Variants in GPATCH8 observed in about 807,000 individuals in gnomAD.
GPATCH8 encodes the protein G-patch domain containing 8, also known as G patch domain-containing protein 8.
A neutral mutation model predicts 118.3 loss-of-function variants in GPATCH8; 18 were observed. The observed-to-expected ratio is 0.15, with a 90% CI of 0.11 to 0.23. The LOEUF (loss-of-function observed/expected upper bound fraction) is 0.23. GPATCH8 is among the 10% of genes least tolerant of loss of function. The probability of loss-of-function intolerance (pLI) is 1.00; values close to 1 mark genes in which losing one functional copy is unlikely to be tolerated. For missense variants in GPATCH8, 1,631 were observed against 1,873.8 expected (o/e 0.87, Z 2.39); for synonymous variants, 659 against 684.7 (o/e 0.96, Z 0.59).
chr17:44,446,050 C>T (rs2050866923), intron 3 of GPATCH8: 1 of 152,138 alleles, frequency 6.6e-6, no homozygotes, highest in South Asian at 2.1e-4. Context: ...AGTGATCCTC[C>T]CACCTCAGCC....
chr17:44,414,520 G>C (rs1488370090), intron 6 of GPATCH8, among the ~76,000 whole-genome samples: 3 of 152,146 alleles, frequency 2.0e-5, no homozygotes, highest in African/African-American at 7.2e-5. Flanking sequence ...TGTTGCCCAG[G>C]ATAGTCTCAA....
At chr17:44,421,326 A>G (rs2049893232) in intron 6 of GPATCH8, among the ~76,000 whole-genome samples, 1 of 151,540 alleles carries the variant, frequency 6.6e-6, no homozygotes, top group South Asian at 2.1e-4. Flanking sequence ...GGGCAACAAG[A>G]GTGAAACTCC....
At chr17:44,410,397 C>T (rs2049387573) in intron 6 of GPATCH8, among the ~76,000 whole-genome samples, 1 of 152,206 alleles carries the variant, frequency 6.6e-6, no homozygotes, top group Non-Finnish European at 1.5e-5. Flanking sequence ...TTGTCAAAGT[C>T]TGAGCAAATT....
At chr17:44,411,540 A>C (rs1423373176) in intron 6 of GPATCH8, among the ~76,000 whole-genome samples, 1 of 152,194 alleles carries the variant, frequency 6.6e-6, no homozygotes, top group African/African-American at 2.4e-5. Flanking sequence ...TCTCATGTAA[A>C]GGGGATTTCA....
rs754146822 is a variant in GPATCH8 at position 44,398,685 on chromosome 17, A to C, written c.3392T>G (p.Phe1131Cys). 9.5e-6 allele frequency: 15 copies of C among 1,581,468 alleles called. No individual in the cohort carries two copies. The highest frequency in any genetic ancestry group is 1.2e-5 in the Non-Finnish European group (14 of 1,162,698). The change falls in exon 8 of 8, where the codon TTT (phenylalanine) becomes TGT (cysteine). Residue 1131 changes from phenylalanine to cysteine, a missense_variant. This residue lies in a region of GPATCH8 where 922 missense variants were observed against 879.7 expected (regional missense o/e 1.05). Coordinates refer to ENST00000591680, the MANE Select transcript of GPATCH8 (RefSeq NM_001002909.4). ...PKLKDPPQGY[F>C]GPKLPPSLGN... ...AAGAGATGGGGGGAGCTTGGGCCCAAAGTAACCTTGTGGGGGGTCCTTGAG... is the reference window on the plus strand; with the variant it reads ...AAGAGATGGGGGGAGCTTGGGCCCACAGTAACCTTGTGGGGGGTCCTTGAG...
At position 44,482,592 on chromosome 17, in the gene GPATCH8, A is replaced by C. The variant is rs1259474848; in HGVS notation, c.46-7689T>G. On this transcript the variant is annotated intron_variant, in intron 1 of 7. Coordinates refer to ENST00000591680, the MANE Select transcript of GPATCH8 (RefSeq NM_001002909.4). ...CCATCTCAAAAAAAAAAAAAAAAAA[A>C]CCAAACCAAACCTAGATGACGGGTT... 2.2e-5 allele frequency among the ~76,000 whole-genome samples: 3 copies of C among 138,640 alleles called. No homozygotes were observed. The Admixed American group carries it at 2.2e-4, about 10-fold the overall frequency. The allele number at this position is 138,640 out of a possible 152,430, so 91.0% of individuals were successfully genotyped here.
chr17:44,409,866 C>T (rs2049368439), intron 6 of GPATCH8, among the ~76,000 whole-genome samples: 1 of 152,324 alleles, frequency 6.6e-6, no homozygotes, highest in South Asian at 2.1e-4. Flanking sequence ...ACTAAGTCTA[C>T]GGAGGGCATC....
Position 44,468,019 on chromosome 17 carries a change from T to G in GPATCH8, c.121-3475A>C, listed in dbSNP as rs978211799. Among the ~76,000 whole-genome samples the G allele has an allele frequency of 2.6e-5, 4 of 151,668 alleles. No individual in the cohort carries two copies. The East Asian group carries it at 7.7e-4, about 29-fold the overall frequency. On this transcript the variant is annotated intron_variant, in intron 2 of 7. Coordinates refer to ENST00000591680, the MANE Select transcript of GPATCH8 (RefSeq NM_001002909.4). The stretch of plus-strand genomic sequence containing the variant: ...TATTCCAGGATTTTTTTTTTTTTTT[T>G]GAGACGGAGTCTCACTCTGTAGCTC...
In GPATCH8 at chr17:44,401,045, C is replaced by G. The variant is rs1280107973; in HGVS notation, c.1032G>C (p.Gln344His). The change falls in exon 8 of 8, where the codon CAG (glutamine) becomes CAC (histidine). Residue 344 changes from glutamine to histidine, a missense_variant. Physicochemically the swap from Gln to His is conservative, Grantham distance 24. Around this residue, in one of 8 missense-constraint regions of GPATCH8, gnomAD observed 405 missense variants for 462.7 expected, o/e 0.88. Coordinates refer to ENST00000591680, the MANE Select transcript of GPATCH8 (RefSeq NM_001002909.4). ...TGCTCCCATCAGAGTCTCCTACCTT[C>G]TGCAGTCCTTGGTCAGAACTCTTCT... Reference protein sequence around the residue: ...PDEKSSDQGLQKVGDSDGSSN... With the variant: ...PDEKSSDQGLHKVGDSDGSSN... 1 of 1,614,086 alleles carries G rather than the reference C, an allele frequency of 6.2e-7. No individual in the cohort carries two copies. The highest frequency in any genetic ancestry group is 8.5e-7 in the Non-Finnish European group (1 of 1,180,028).
intron 6 of GPATCH8, among the ~76,000 whole-genome samples, chr17:44,412,230 T>G (rs900612216): frequency 6.6e-6 from 1 of 151,914 alleles, no homozygotes; most frequent in Non-Finnish European, 1.5e-5. Context: ...GCCAAAAAAA[T>G]TTTTTTAAAT....
At chr17:44,416,087 C>T (rs1457785741) in intron 6 of GPATCH8, among the ~76,000 whole-genome samples, 1 of 152,222 alleles carries the variant, frequency 6.6e-6, no homozygotes, top group African/African-American at 2.4e-5. Context: ...ACTGCAACCT[C>T]TGTCTTCTGG....
At chr17:44,497,913 T>C (rs1598649697) in intron 1 of GPATCH8, among the ~76,000 whole-genome samples, 1 of 150,772 alleles carries the variant, frequency 6.6e-6, no homozygotes, top group African/African-American at 2.4e-5. Context: ...TACTCTAGCC[T>C]GGACAAAAGA....
At chr17:44,405,309 A>G (rs1390330375) in intron 7 of GPATCH8, among the ~76,000 whole-genome samples, 2 of 151,328 alleles carry the variant, frequency 1.3e-5, no homozygotes, top group Admixed American at 1.3e-4. Flanking sequence ...CCCAGGTTCA[A>G]GCGATTCTCC....
chr17:44,436,428 A>T, intron 4 of GPATCH8, 50 bp downstream of exon 4: 1 of 825,870 alleles, frequency 1.2e-6, no homozygotes. Context: ...TGGAATTAGT[A>T]TTATTTCAAA....
intron 6 of GPATCH8, among the ~76,000 whole-genome samples, chr17:44,420,559 C>T (rs1255231162): frequency 2.0e-5 from 3 of 152,046 alleles, no homozygotes; most frequent in Admixed American, 6.6e-5. Flanking sequence ...GAGGCATTGC[C>T]AAGTGCCTCC....
intron 1 of GPATCH8, among the ~76,000 whole-genome samples, chr17:44,500,952 C>G (rs552326530): frequency 4.6e-5 from 7 of 152,216 alleles, no homozygotes; most frequent in Admixed American, 3.3e-4. Flanking sequence ...GAAAGTCAAT[C>G]TGTATTTTCC....
At chr17:44,415,813 G>A (rs16970720) in intron 6 of GPATCH8, among the ~76,000 whole-genome samples, 3,027 of 152,330 alleles carry the variant, frequency 0.02, 106 homozygotes, top group African/African-American at 0.069. Context: ...GGTTGAAACT[G>A]TAGAACAAAA....
Position 44,395,929 on chromosome 17 carries a change from A to T in GPATCH8, c.*1639T>A. On this transcript the variant is annotated 3_prime_UTR_variant, in exon 8 of 8. Coordinates refer to ENST00000591680, the MANE Select transcript of GPATCH8 (RefSeq NM_001002909.4). ...CTGAGAGCCTGGGTGAAAGGCAAGA[A>T]GAGGGGCAAAAGAGGCTGAGGTGGT... The T allele has an allele frequency of 2.2e-6, 1 of 454,316 alleles. No homozygotes were observed. The highest frequency in any genetic ancestry group is 4.4e-6 in the Non-Finnish European group (1 of 226,730). The allele number at this position is 454,316 out of a possible 1,614,324, so 28.1% of individuals were successfully genotyped here.
intron 3 of GPATCH8, among the ~76,000 whole-genome samples, chr17:44,462,853 C>A (rs1035764884): frequency 6.6e-6 from 1 of 151,996 alleles, no homozygotes; most frequent in Non-Finnish European, 1.5e-5. Flanking sequence ...TGGTGGCAGG[C>A]GCCTGTAGTC....
Sources: allele counts gnomAD v4.1 joint callset (sites outside exome capture counted in the v4.1 genomes callset), GRCh38; gene constraint gnomAD v4.1.1; regional missense constraint gnomAD v4.1.1; transcripts MANE v1.5; gene names NCBI Gene and HGNC (gene_info 2026-07-23, HGNC 2026-07-21).